The following ELOVL2 variants were observed in gnomAD, a reference collection of about 807,000 sequenced individuals.
ELOVL2 encodes ELOVL fatty acid elongase 2, also known as very long chain fatty acid elongase 2.
Under a neutral mutation model 37.7 loss-of-function variants are expected in ELOVL2, and 38 were observed. The observed-to-expected ratio is 1.01, with a 90% CI of 0.78 to 1.32. The LOEUF (loss-of-function observed/expected upper bound fraction) is 1.32, where lower values mean the gene tolerates loss of function less well. ELOVL2 is among the 40% of genes most tolerant of loss of function. The pLI is 0.00. For missense variants in ELOVL2, 352 were observed against 363.6 expected (o/e 0.97, Z 0.26); for synonymous variants, 115 against 122.3 (o/e 0.94, Z 0.40).
In ELOVL2 at chr6:11,005,323, T is replaced by C. The variant is rs372278756; in HGVS notation, c.255+49A>G. 20 of 1,536,110 alleles carry C rather than the reference T, an allele frequency of 1.3e-5. No individual in the cohort carries two copies. In the African/African-American group the frequency reaches 2.5e-4, roughly 19 times the overall value. On this transcript the variant is annotated intron_variant, in intron 3 of 7. Transcript: ENST00000354666. The stretch of plus-strand genomic sequence containing the variant: ...GGCTAGATGTGGTTGTTTCTGTTAA[T>C]AAAAACTGCTAGTTACTGGACTTCA...
chr6:10,988,084 C>A (rs535872364), intron 7 of ELOVL2, among the ~76,000 whole-genome samples: 2 of 152,190 alleles, frequency 1.3e-5, no homozygotes, highest in African/African-American at 4.8e-5. Flanking sequence ...TAACACTTAG[C>A]GTTTATTGGG....
At chr6:10,984,081 G>A (rs999631476) in intron 7 of ELOVL2, among the ~76,000 whole-genome samples, 175 bp from the exon 8 acceptor site, 9 of 152,116 alleles carry the variant, frequency 5.9e-5, no homozygotes, top group Non-Finnish European at 1.0e-4. Flanking sequence ...GCAATGGCAC[G>A]ATCCCCGTTC....
chr6:11,013,625 A>G (rs1333994371), intron 1 of ELOVL2, among the ~76,000 whole-genome samples: 4 of 152,228 alleles, frequency 2.6e-5, no homozygotes, highest in African/African-American at 2.4e-5. Context: ...TTTATGCACA[A>G]ATTGGGAAAG....
intron 3 of ELOVL2, among the ~76,000 whole-genome samples, chr6:11,003,449 C>A (rs1337812179): frequency 6.6e-6 from 1 of 152,182 alleles, no homozygotes. Context: ...ATGATGGCTT[C>A]CAGTTTCATC....
chr6:10,983,824 T>A lies in ELOVL2; in HGVS notation c.848A>T (p.Tyr283Phe). The A allele has an allele frequency of 6.2e-7, 1 of 1,613,648 alleles. No individual in the cohort carries two copies. The highest frequency in any genetic ancestry group is 8.5e-7 in the Non-Finnish European group (1 of 1,179,886). ...KEVKNGFSKA[Y>F]FTAANGVMNK... is the part of the protein sequence containing the mutation. ...CATCACTCCATTTGCTGCAGTGAAG[T>A]AGGCTTTGGAAAAACCATTCTTCAC... Residue 283 changes from tyrosine (Y) to phenylalanine (F), a missense_variant, in exon 8 of 8, where the codon TAC (tyrosine) becomes TTC (phenylalanine). Transcript: ENST00000354666.
intron 1 of ELOVL2, among the ~76,000 whole-genome samples, chr6:11,015,434 A>T (rs750609747): frequency 1.3e-5 from 2 of 152,178 alleles, no homozygotes; most frequent in Non-Finnish European, 1.5e-5. Flanking sequence ...ACCCCAGAGC[A>T]AGCCAGCCTC....
At chr6:11,040,869 TG>T (rs1382530846) in intron 1 of ELOVL2, among the ~76,000 whole-genome samples, 1 of 152,218 alleles carries the variant, frequency 6.6e-6, no homozygotes, top group Non-Finnish European at 1.5e-5. Flanking sequence ...AGTTAAATGC[TG>T]GTGTCAGGAT....
intron 1 of ELOVL2, chr6:11,043,916 G>A (rs1393350815): frequency 3.4e-5 from 9 of 267,964 alleles, no homozygotes; most frequent in Middle Eastern, 2.1e-3. Context: ...CCGGGCGCCC[G>A]GCCCCGTGCA....
chr6:11,044,166 G>T lies in ELOVL2; in HGVS notation c.3+62C>A. 6.9e-7 allele frequency: 1 copy of T among 1,443,492 alleles called. No individual in the cohort carries two copies. The allele number at this position is 1,443,492 out of a possible 1,614,324, so 89.4% of individuals were successfully genotyped here. Reference sequence around the variant, plus strand: ...CCCGCTCGGCCCTTTCCCGCCCGGTGCGTGGGTCCAGGAGAGAAAGAAAGC... The same window carrying T: ...CCCGCTCGGCCCTTTCCCGCCCGGTTCGTGGGTCCAGGAGAGAAAGAAAGC... On this transcript the variant is annotated intron_variant, in intron 1 of 7. Coordinates refer to ENST00000354666, the MANE Select transcript of ELOVL2 (RefSeq NM_017770.4). This position sits in a 1 kb window ranked among gnomAD's most constrained non-coding sequence, Gnocchi z 5.6.
At chr6:11,039,974 A>G (rs1783074069) in intron 1 of ELOVL2, among the ~76,000 whole-genome samples, 1 of 152,242 alleles carries the variant, frequency 6.6e-6, no homozygotes, top group Non-Finnish European at 1.5e-5. Context: ...AGGAAGTAAA[A>G]AAGTTAAAAC....
Position 11,019,204 on chromosome 6 carries a change from T to A in ELOVL2, c.4-8395A>T, listed in dbSNP as rs558736996. Among the ~76,000 whole-genome samples, 4 of 152,340 alleles carry A rather than the reference T, an allele frequency of 2.6e-5. No homozygotes were observed. The South Asian group carries it at 8.3e-4, about 32-fold the overall frequency. ...TAAACTTCTATAACACATTTTAAAATTTTAAATGCAATTTAAAATTTTTAT... is the reference window on the plus strand; with the variant it reads ...TAAACTTCTATAACACATTTTAAAAATTTAAATGCAATTTAAAATTTTTAT... On this transcript the variant is annotated intron_variant, in intron 1 of 7. Coordinates refer to ENST00000354666, the MANE Select transcript of ELOVL2 (RefSeq NM_017770.4).
chr6:11,008,880 T>C (rs1581870446), intron 2 of ELOVL2, among the ~76,000 whole-genome samples: 2 of 152,326 alleles, frequency 1.3e-5, no homozygotes, highest in South Asian at 4.1e-4. Context: ...GAGAATGGCC[T>C]AAATACTCAA....
chr6:10,992,927 T>C (rs1465733733), intron 5 of ELOVL2, among the ~76,000 whole-genome samples: 1 of 152,150 alleles, frequency 6.6e-6, no homozygotes, highest in Non-Finnish European at 1.5e-5. Flanking sequence ...GCATAGTAGC[T>C]CACACCTCTA....
At chr6:11,002,348 CT>C (rs1782402549) in intron 3 of ELOVL2, among the ~76,000 whole-genome samples, 1 of 152,198 alleles carries the variant, frequency 6.6e-6, no homozygotes, top group Non-Finnish European at 1.5e-5. Flanking sequence ...TGTTGAAAGA[CT>C]GTTAATAATT....
intron 3 of ELOVL2, among the ~76,000 whole-genome samples, chr6:11,002,455 A>G (rs1782403646): frequency 6.6e-6 from 1 of 152,260 alleles, no homozygotes; most frequent in Admixed American, 6.5e-5. Context: ...TCTATTAAAC[A>G]TACCCCCAGA....
Position 10,995,109 on chromosome 6 carries a change from A to C in ELOVL2, c.403T>G (p.Leu135Val), listed in dbSNP as rs996804777. The C allele has an allele frequency of 1.2e-6, 2 of 1,613,570 alleles. No individual in the cohort carries two copies. The highest frequency in any genetic ancestry group is 1.7e-6 in the Non-Finnish European group (2 of 1,179,622). Reference protein sequence around the residue: ...VEFLDTIFFVLRKKTSQITFL... With the variant: ...VEFLDTIFFVVRKKTSQITFL... ...GTAATCTGACTCGTTTTTTTCCGCA[A>C]AACGAAGAAAATTGTGTCCAGGAAC... Residue 135 changes from leucine to valine, a missense_variant, in exon 5 of 8, where the codon TTG (leucine) becomes GTG (valine). Physicochemically the swap from Leu to Val is conservative, Grantham distance 32 (BLOSUM62 1). Coordinates refer to ENST00000354666, the MANE Select transcript of ELOVL2 (RefSeq NM_017770.4).
chr6:11,028,611 A>T (rs1038867575), intron 1 of ELOVL2, among the ~76,000 whole-genome samples: 5 of 152,028 alleles, frequency 3.3e-5, no homozygotes, highest in African/African-American at 9.7e-5. Flanking sequence ...TTTCACTTTA[A>T]AATAATGTAT....
At chr6:11,007,919 C>T (rs997515178) in intron 2 of ELOVL2, among the ~76,000 whole-genome samples, 2 of 152,126 alleles carry the variant, frequency 1.3e-5, no homozygotes, top group African/African-American at 2.4e-5. Flanking sequence ...TAAATGTTTG[C>T]TACAGTTGTT....
chr6:11,024,339 C>CT (rs1419931966), intron 1 of ELOVL2, among the ~76,000 whole-genome samples: 3 of 152,204 alleles, frequency 2.0e-5, no homozygotes, highest in Non-Finnish European at 2.9e-5. Flanking sequence ...TAAATGAACA[C>CT]TTTTATGAAA....
Sources: allele counts gnomAD v4.1 joint callset (sites outside exome capture counted in the v4.1 genomes callset), GRCh38; gene constraint gnomAD v4.1.1; non-coding constraint Gnocchi (gnomAD v3.1); transcripts MANE v1.5; gene names NCBI Gene and HGNC (gene_info 2026-07-23, HGNC 2026-07-21).